SND1: variants seen among roughly 807,000 people sequenced by gnomAD.
SND1 encodes the protein staphylococcal nuclease domain-containing protein 1.
A neutral mutation model predicts 121.7 loss-of-function variants in SND1; 38 were observed. That is an observed-to-expected ratio of 0.31 (90% confidence interval 0.24 to 0.41). The LOEUF is 0.41. SND1 is among the 10% of genes least tolerant of loss of function. The pLI, the probability that SND1 is intolerant of heterozygous loss-of-function variation, is 1.00. For missense variants in SND1, 868 were observed against 1,184.6 expected (o/e 0.73, Z 3.92); for synonymous variants, 401 against 447.4 (o/e 0.90, Z 1.31).
chr7:127,990,819 C>G (rs1802506153), intron 15 of SND1, 128 bp from the exon 16 acceptor site: 4 of 643,280 alleles, frequency 6.2e-6, no homozygotes, highest in Non-Finnish European at 1.1e-5. Flanking sequence ...CTGTCTTCGT[C>G]TCAGATAGAA....
chr7:127,880,075 G>A (rs1171462187), intron 12 of SND1, among the ~76,000 whole-genome samples: 1 of 152,156 alleles, frequency 6.6e-6, no homozygotes, highest in Non-Finnish European at 1.5e-5. Flanking sequence ...TTTAAATTGT[G>A]TGCCTTTCTG....
intron 1 of SND1, among the ~76,000 whole-genome samples, chr7:127,666,793 T>G (rs1795428158): frequency 6.6e-6 from 1 of 152,156 alleles, no homozygotes; most frequent in Non-Finnish European, 1.5e-5. Flanking sequence ...CAGATCTGTG[T>G]TTGATGACAG....
chr7:127,929,121 G>A, intron 14 of SND1, 67 bp from the exon 15 acceptor site: 1 of 1,543,474 alleles, frequency 6.5e-7, no homozygotes, highest in Non-Finnish European at 8.9e-7. Context: ...TTTTGTCCTA[G>A]ACTATAAAGA....
intron 16 of SND1, among the ~76,000 whole-genome samples, chr7:128,056,889 C>T (rs925040666): frequency 6.6e-6 from 1 of 152,078 alleles, no homozygotes; most frequent in African/African-American, 2.4e-5. Context: ...TACTCTTGTG[C>T]TTTGGGGTAT....
At chr7:128,037,764 A>G (rs989322478) in intron 16 of SND1, among the ~76,000 whole-genome samples, 5 of 152,212 alleles carry the variant, frequency 3.3e-5, no homozygotes, top group African/African-American at 1.2e-4. Context: ...GAAGCATCAC[A>G]TGAGCCAAGA....
Position 128,015,758 on chromosome 7 carries a change from T to C in SND1, c.1779+24702T>C. On this transcript the variant is annotated intron_variant, in intron 16 of 23. Transcript: ENST00000354725. The surrounding 1 kb of genome is among the most constrained non-coding windows in gnomAD (Gnocchi z 4.5). Reference sequence around the variant, plus strand: ...ACACCACTCTGCCTTTCCCCATTGCTGGCTTCTTGGTGAGCAGCAGAAATT... The same window carrying C: ...ACACCACTCTGCCTTTCCCCATTGCCGGCTTCTTGGTGAGCAGCAGAAATT... Among the ~76,000 whole-genome samples the C allele has an allele frequency of 6.6e-6, 1 of 152,148 alleles. No homozygotes were observed. Among genetic ancestry groups the C allele is most frequent in the East Asian group, 1.9e-4 (1 of 5,190 alleles).
At chr7:127,914,774 T>C (rs1800536502) in intron 14 of SND1, among the ~76,000 whole-genome samples, 2 of 152,182 alleles carry the variant, frequency 1.3e-5, no homozygotes, top group Admixed American at 6.5e-5. Context: ...TATGGGGTCA[T>C]GATTATTAGC....
At chr7:127,748,789 A>G (rs577368163) in intron 10 of SND1, among the ~76,000 whole-genome samples, 34 of 152,282 alleles carry the variant, frequency 2.2e-4, no homozygotes, top group African/African-American at 8.2e-4. Flanking sequence ...ATGACATTCA[A>G]GCAGGTCTTG....
At chr7:127,729,813 G>A (rs751795019) in intron 10 of SND1, among the ~76,000 whole-genome samples, 1 of 152,140 alleles carries the variant, frequency 6.6e-6, no homozygotes, top group Non-Finnish European at 1.5e-5. Context: ...TTTCATAACC[G>A]AGACTGGAAT....
chr7:128,092,164 C>A lies in SND1; in HGVS notation c.*106C>A. On this transcript the variant is annotated 3_prime_UTR_variant, in exon 24 of 24. Coordinates refer to ENST00000354725, the MANE Select transcript of SND1 (RefSeq NM_014390.4). This position sits in a 1 kb window ranked among gnomAD's most constrained non-coding sequence, Gnocchi z 4.9. ...CCCAGAGAGGGGTTGTAGATTGGGT[C>A]CAGCTTTGCTTCAGTGTGTGGAAAT... 1 of 1,226,508 alleles carries A rather than the reference C, an allele frequency of 8.2e-7. No individual in the cohort carries two copies. Among genetic ancestry groups the A allele is most frequent in the Non-Finnish European group, 1.2e-6 (1 of 844,958 alleles). The allele number at this position is 1,226,508 out of a possible 1,614,324, so 76.0% of individuals were successfully genotyped here.
At chr7:127,943,280 G>A (rs567241366) in intron 15 of SND1, among the ~76,000 whole-genome samples, 115 of 152,218 alleles carry the variant, frequency 7.6e-4, no homozygotes, top group Admixed American at 1.2e-3. Context: ...CTCCAAGTGG[G>A]GTCCAAAGTC....
At chr7:127,918,701 A>G (rs1800639183) in intron 14 of SND1, among the ~76,000 whole-genome samples, 1 of 152,222 alleles carries the variant, frequency 6.6e-6, no homozygotes, top group African/African-American at 2.4e-5. Flanking sequence ...TGATTTAATC[A>G]GCCTTCTATT....
chr7:127,697,445 C>T (rs980780699), intron 3 of SND1, among the ~76,000 whole-genome samples: 2 of 152,328 alleles, frequency 1.3e-5, no homozygotes, highest in Middle Eastern at 3.4e-3. Context: ...TATGGTCACT[C>T]ACCTTGTTTG....
intron 16 of SND1, among the ~76,000 whole-genome samples, chr7:128,060,048 G>C (rs778377496): frequency 6.6e-6 from 1 of 152,168 alleles, no homozygotes; most frequent in Non-Finnish European, 1.5e-5. Flanking sequence ...AGTGGATCAG[G>C]GAAGGCTTCC....
chr7:128,024,946 A>G (rs1052520566), intron 16 of SND1, among the ~76,000 whole-genome samples: 6 of 152,186 alleles, frequency 3.9e-5, no homozygotes, highest in African/African-American at 1.4e-4. Flanking sequence ...TCCACACTGC[A>G]GAGTTTCCAA....
At chr7:127,659,251 G>A (rs1288387325) in intron 1 of SND1, among the ~76,000 whole-genome samples, 1 of 152,092 alleles carries the variant, frequency 6.6e-6, no homozygotes, top group Non-Finnish European at 1.5e-5. Flanking sequence ...CGATATAGAT[G>A]GAATGTTACG....
chr7:127,850,291 A>G (rs568805746), intron 12 of SND1, among the ~76,000 whole-genome samples: 9 of 152,264 alleles, frequency 5.9e-5, no homozygotes, highest in South Asian at 2.1e-4. Context: ...CAAACCTCCT[A>G]TCTCTCAGAG....
At chr7:128,069,177 G>A (rs1793366886) in intron 16 of SND1, among the ~76,000 whole-genome samples, 1 of 152,220 alleles carries the variant, frequency 6.6e-6, no homozygotes. Context: ...GACTCCCCGG[G>A]TGTAAGAAAC....
chr7:127,733,228 T>C lies in SND1; in HGVS notation c.1152+11828T>C, dbSNP rs558715012. Among the ~76,000 whole-genome samples, 5 of 152,346 alleles carry C rather than the reference T, an allele frequency of 3.3e-5. No homozygotes were observed. In the South Asian group the frequency reaches 1.0e-3, roughly 32 times the overall value. On this transcript the variant is annotated intron_variant, in intron 10 of 23. Transcript: ENST00000354725. Reference sequence around the variant, plus strand: ...CTTTACCTTAAGTCCACATTGACTCTATTTTCTGCCTAATTGTAACCTACT... The same window carrying C: ...CTTTACCTTAAGTCCACATTGACTCCATTTTCTGCCTAATTGTAACCTACT...
Sources: allele counts gnomAD v4.1 joint callset (sites outside exome capture counted in the v4.1 genomes callset), GRCh38; gene constraint gnomAD v4.1.1; non-coding constraint Gnocchi (gnomAD v3.1); transcripts MANE v1.5; gene names NCBI Gene and HGNC (gene_info 2026-07-23, HGNC 2026-07-21).